Variants in HHAT observed in about 807,000 individuals in gnomAD.
HHAT encodes the protein protein-cysteine N-palmitoyltransferase HHAT.
HHAT carries 47 observed loss-of-function variants against 70.8 expected under a neutral mutation model. The ratio of observed to expected loss-of-function variants is 0.66; its 90% confidence interval spans 0.53 to 0.85. The LOEUF (loss-of-function observed/expected upper bound fraction) is 0.85, where lower values mean the gene tolerates loss of function less well. Among genes scored for constraint, HHAT ranks in the 40% least tolerant of loss-of-function variants. The pLI, the probability that HHAT is intolerant of heterozygous loss-of-function variation, is 0.00. For missense variants in HHAT, 609 were observed against 604.8 expected, an observed-to-expected ratio of 1.01 and a Z score of -0.07; for synonymous variants, 228 against 247.6, an observed-to-expected ratio of 0.92 and a Z score of 0.74.
At chr1:210,631,793 C>G (rs538492659) in intron 11 of HHAT, among the ~76,000 whole-genome samples, 1 of 152,344 alleles carries the variant, frequency 6.6e-6, no homozygotes, top group Non-Finnish European at 1.5e-5. Flanking sequence ...GGGACCTTTT[C>G]CTTGCCTCAG....
chr1:210,332,115 G>A (rs143946901), intron 1 of HHAT, among the ~76,000 whole-genome samples: 117 of 152,244 alleles, frequency 7.7e-4, no homozygotes, highest in African/African-American at 2.7e-3. Context: ...ACATTTTTTG[G>A]CTAGCCAACA....
At chr1:210,487,045 G>T (rs1346838215) in intron 8 of HHAT, among the ~76,000 whole-genome samples, 1 of 152,172 alleles carries the variant, frequency 6.6e-6, no homozygotes, top group Admixed American at 6.6e-5. Flanking sequence ...CTGTGATGTG[G>T]TTTTTCAGAT....
chr1:210,622,161 A>G (rs1668970923), intron 10 of HHAT, among the ~76,000 whole-genome samples: 1 of 152,164 alleles, frequency 6.6e-6, no homozygotes, highest in African/African-American at 2.4e-5. Context: ...CCTGTCATGA[A>G]TTGCATCGGC....
At chr1:210,665,865 C>T (rs745405071) in intron 11 of HHAT, among the ~76,000 whole-genome samples, 9 of 152,208 alleles carry the variant, frequency 5.9e-5, no homozygotes, top group Admixed American at 2.0e-4. Flanking sequence ...ATTTACCTTT[C>T]TGAGCCTCAG....
At chr1:210,439,597 T>C (rs1420919314) in intron 7 of HHAT, 2 of 151,982 alleles carry the variant, frequency 1.3e-5, no homozygotes, top group East Asian at 1.9e-4. Flanking sequence ...TAGAAAAACC[T>C]TGTGGTTCTT....
chr1:210,364,373 C>G (rs1323923648), intron 3 of HHAT, among the ~76,000 whole-genome samples: 1 of 152,126 alleles, frequency 6.6e-6, no homozygotes, highest in Non-Finnish European at 1.5e-5. Context: ...CTCAGATCTA[C>G]TCTTTACGAA....
chr1:210,355,258 G>A (rs1196662654), intron 2 of HHAT, among the ~76,000 whole-genome samples: 1 of 152,134 alleles, frequency 6.6e-6, no homozygotes, highest in African/African-American at 2.4e-5. Context: ...GATAATGATA[G>A]TAGTTTTGCT....
chr1:210,626,988 A>G (rs758674942), intron 11 of HHAT, among the ~76,000 whole-genome samples: 7 of 152,156 alleles, frequency 4.6e-5, no homozygotes, highest in African/African-American at 7.2e-5. Flanking sequence ...ATCTTTACAC[A>G]CTGAGGAAAT....
chr1:210,570,025 C>A (rs947154278), intron 9 of HHAT, among the ~76,000 whole-genome samples: 1 of 152,132 alleles, frequency 6.6e-6, no homozygotes, highest in African/African-American at 2.4e-5. Context: ...GATTGGGGAG[C>A]CAAGAGAGGC....
At chr1:210,526,723 C>T (rs1378486706) in intron 9 of HHAT, among the ~76,000 whole-genome samples, 1 of 152,170 alleles carries the variant, frequency 6.6e-6, no homozygotes, top group East Asian at 1.9e-4. Context: ...ACAGCCTCTG[C>T]TAAGCAGCCT....
chr1:210,353,228 GC>G (rs543410663), intron 2 of HHAT, among the ~76,000 whole-genome samples: 1,676 of 152,092 alleles, frequency 0.011, 15 homozygotes, highest in Non-Finnish European at 0.018. Context: ...GAGCCACCAC[GC>G]CCGGCCCCTC....
intron 7 of HHAT, among the ~76,000 whole-genome samples, chr1:210,435,273 A>G (rs76799593): frequency 0.013 from 1,934 of 151,996 alleles, 90 homozygotes; most frequent in African/African-American, 0.043. Flanking sequence ...ATGACCTCCA[A>G]TTCCATTCAT....
Position 210,380,357 on chromosome 1 carries a change from G to A in HHAT, c.160-7111G>A, listed in dbSNP as rs1341951199. On this transcript the variant is annotated intron_variant, in intron 3 of 11. Transcript: ENST00000261458. ...GGAGTTCAAGATTAGCCTGGCCAAC[G>A]TGGTGAAACCCTGTCTCTACTAAAA... Among the ~76,000 whole-genome samples, 6 of 151,996 alleles carry A rather than the reference G, an allele frequency of 3.9e-5. No individual in the cohort carries two copies. In the South Asian group the frequency reaches 8.3e-4, roughly 21 times the overall value.
rs577951632 is a variant in HHAT, at chr1:210,407,864, G to C, written c.684+3185G>C. 3.3e-5 allele frequency among the ~76,000 whole-genome samples: 5 copies of C among 152,272 alleles called. No homozygotes were observed. In the South Asian group the frequency reaches 1.0e-3, roughly 32 times the overall value. The stretch of plus-strand genomic sequence containing the variant: ...GGTGTGGTGTGGGCACTGGGGAGAA[G>C]AGCAGCCTTAGGGTGGTGGGCCAGG... On this transcript the variant is annotated intron_variant, in intron 6 of 11. Coordinates refer to ENST00000261458, the MANE Select transcript of HHAT (RefSeq NM_018194.6).
At chr1:210,456,522 A>C (rs1572572250) in intron 7 of HHAT, among the ~76,000 whole-genome samples, 2 of 152,182 alleles carry the variant, frequency 1.3e-5, no homozygotes, top group African/African-American at 4.8e-5. Context: ...TTTAGAGCAT[A>C]TTATTGCTGT....
At chr1:210,484,156 C>G (rs2094439435) in intron 8 of HHAT, among the ~76,000 whole-genome samples, 1 of 152,180 alleles carries the variant, frequency 6.6e-6, no homozygotes, top group African/African-American at 2.4e-5. Context: ...AGCCTGATTT[C>G]TCACAGAGAA....
At chr1:210,529,050 A>G (rs2095283786) in intron 9 of HHAT, among the ~76,000 whole-genome samples, 1 of 152,196 alleles carries the variant, frequency 6.6e-6, no homozygotes, top group East Asian at 1.9e-4. Context: ...CACGCTGGTA[A>G]TCCCAGCACT....
intron 3 of HHAT, among the ~76,000 whole-genome samples, chr1:210,370,320 G>A (rs1235885249): frequency 6.6e-6 from 1 of 150,726 alleles, no homozygotes; most frequent in East Asian, 2.0e-4. Flanking sequence ...GATTACAGGT[G>A]CCCATCACCA....
At chr1:210,640,584 T>C (rs940283103) in intron 11 of HHAT, among the ~76,000 whole-genome samples, 5 of 152,034 alleles carry the variant, frequency 3.3e-5, no homozygotes, top group Admixed American at 3.3e-4. Flanking sequence ...AACACTAAAT[T>C]CCTCACCATC....
Sources: allele counts gnomAD v4.1 joint callset (sites outside exome capture counted in the v4.1 genomes callset), GRCh38; gene constraint gnomAD v4.1.1; transcripts MANE v1.5; gene names NCBI Gene and HGNC (gene_info 2026-07-23, HGNC 2026-07-21).